The following RTN1 variants were observed in gnomAD, a reference collection of about 807,000 sequenced individuals.
The protein encoded by RTN1 is reticulon-1.
RTN1 carries 25 observed loss-of-function variants against 65.5 expected under a neutral mutation model. The observed-to-expected ratio is 0.38, with a 90% confidence interval of 0.28 to 0.53. The LOEUF (loss-of-function observed/expected upper bound fraction) is 0.53, where lower values mean the gene tolerates loss of function less well. RTN1 is among the 20% of genes least tolerant of loss of function. RTN1 has a pLI of 0.79. For missense variants in RTN1, 983 were observed against 1,025.4 expected, an observed-to-expected ratio of 0.96 and a Z score of 0.57; for synonymous variants, 471 against 447.6, an observed-to-expected ratio of 1.05 and a Z score of -0.66.
chr14:59,642,344 G>T lies in RTN1; in HGVS notation c.1766-34852C>A, dbSNP rs535575226. The stretch of plus-strand genomic sequence containing the variant: ...GTTTACTGAGCTTCTTAAATCTGTG[G>T]ATTGATGCCTTTTATCAATTTTGAA... On this transcript the variant is annotated intron_variant, in intron 3 of 8. Transcript: ENST00000267484. Among the ~76,000 whole-genome samples, 10 of 152,120 alleles carry T rather than the reference G, an allele frequency of 6.6e-5. No individual in the cohort carries two copies. In the South Asian group the frequency reaches 2.1e-3, roughly 32 times the overall value.
intron 1 of RTN1, among the ~76,000 whole-genome samples, chr14:59,789,107 T>C (rs1161476061): frequency 6.6e-6 from 1 of 152,090 alleles, no homozygotes; most frequent in Non-Finnish European, 1.5e-5. Flanking sequence ...TCATATTTTC[T>C]ATTATTTATT....
At position 59,746,005 on chromosome 14, in the gene RTN1, C is replaced by G. The variant is rs1349232570; in HGVS notation, c.718G>C (p.Asp240His). Residue 240 changes from aspartate to histidine, a missense_variant, in exon 2 of 9, where the codon GAC becomes CAC. This residue lies in a region of RTN1 where 818 missense variants were observed against 801.8 expected (regional missense o/e 1.02). Coordinates refer to ENST00000267484, the MANE Select transcript of RTN1 (RefSeq NM_021136.3). ...SIKPEGVREP[D>H]KPAPVEGKII... ...TTTCCCTCCACAGGAGCTGGTTTGT[C>G]AGGTTCACGGACTCCTTCAGGTTTA... 1 of 1,614,146 alleles carries G rather than the reference C, an allele frequency of 6.2e-7. No homozygotes were observed. Among genetic ancestry groups the G allele is most frequent in the East Asian group, 2.2e-5 (1 of 44,876 alleles).
chr14:59,818,589 A>T (rs1267742619), intron 1 of RTN1, among the ~76,000 whole-genome samples: 9 of 152,194 alleles, frequency 5.9e-5, no homozygotes, highest in African/African-American at 2.2e-4. Context: ...GATTGATTCC[A>T]TGTCTTTGTC....
chr14:59,636,613 A>G (rs1259626234), intron 3 of RTN1, among the ~76,000 whole-genome samples: 3 of 152,196 alleles, frequency 2.0e-5, no homozygotes, highest in African/African-American at 4.8e-5. Context: ...TGCTAAATTT[A>G]CTTATTAATT....
At chr14:59,736,592 G>A (rs1320788605) in intron 2 of RTN1, among the ~76,000 whole-genome samples, 1 of 152,134 alleles carries the variant, frequency 6.6e-6, no homozygotes, top group East Asian at 1.9e-4. Flanking sequence ...AATTCTACCA[G>A]AGGTATAAAG....
At chr14:59,795,056 C>T (rs1886415515) in intron 1 of RTN1, among the ~76,000 whole-genome samples, 1 of 152,108 alleles carries the variant, frequency 6.6e-6, no homozygotes. Context: ...AATATCCACC[C>T]CAATTTAGCA....
intron 2 of RTN1, among the ~76,000 whole-genome samples, chr14:59,729,508 C>A (rs1884855305): frequency 6.6e-6 from 1 of 152,170 alleles, no homozygotes; most frequent in South Asian, 2.1e-4. Flanking sequence ...ATAAGTTGTA[C>A]ACATAGTTGT....
intron 1 of RTN1, among the ~76,000 whole-genome samples, chr14:59,848,359 T>A (rs937488091): frequency 6.6e-6 from 1 of 152,248 alleles, no homozygotes; most frequent in Admixed American, 6.5e-5. Context: ...GAATGCTATA[T>A]CAAGGACATT....
chr14:59,664,177 T>C (rs1883312387), intron 3 of RTN1, among the ~76,000 whole-genome samples: 1 of 152,122 alleles, frequency 6.6e-6, no homozygotes, highest in Non-Finnish European at 1.5e-5. Context: ...GGGACATGGA[T>C]GAAGCTGGAA....
intron 3 of RTN1, among the ~76,000 whole-genome samples, chr14:59,632,711 C>T (rs1037458783): frequency 6.6e-6 from 1 of 152,080 alleles, no homozygotes; most frequent in African/African-American, 2.4e-5. Context: ...ACACAATGTT[C>T]CCAATAAGGA....
At chr14:59,640,058 C>G (rs542317199) in intron 3 of RTN1, among the ~76,000 whole-genome samples, 1 of 152,090 alleles carries the variant, frequency 6.6e-6, no homozygotes, top group Non-Finnish European at 1.5e-5. Flanking sequence ...ACTGGCCTCA[C>G]AAAGCAAGTT....
At chr14:59,841,113 G>T (rs949332484) in intron 1 of RTN1, among the ~76,000 whole-genome samples, 4 of 152,186 alleles carry the variant, frequency 2.6e-5, no homozygotes, top group Admixed American at 2.6e-4. Context: ...ATGAAAGAGT[G>T]AAAAGTGCTG....
intron 1 of RTN1, among the ~76,000 whole-genome samples, chr14:59,813,246 C>T (rs1286937662): frequency 6.6e-6 from 1 of 152,162 alleles, no homozygotes; most frequent in Non-Finnish European, 1.5e-5. Flanking sequence ...TAAAAACTCT[C>T]ATATCTGCAC....
chr14:59,800,694 C>G (rs904636320), intron 1 of RTN1, among the ~76,000 whole-genome samples: 6 of 152,020 alleles, frequency 3.9e-5, no homozygotes, highest in Non-Finnish European at 5.9e-5. Context: ...GCCACCACAC[C>G]GGGCCAAAAA....
chr14:59,602,958 A>G (rs981836737), intron 8 of RTN1, 107 bp downstream of exon 8: 1 of 775,678 alleles, frequency 1.3e-6, no homozygotes, highest in Non-Finnish European at 2.1e-6. Flanking sequence ...GTGAATGACC[A>G]TAAATCAATC....
chr14:59,669,306 G>A (rs1883449649), intron 3 of RTN1, among the ~76,000 whole-genome samples: 1 of 152,088 alleles, frequency 6.6e-6, no homozygotes, highest in African/African-American at 2.4e-5. Flanking sequence ...TTCTTTGCAG[G>A]GACATGGATG....
At chr14:59,655,484 T>C (rs568032661) in intron 3 of RTN1, among the ~76,000 whole-genome samples, 1 of 152,356 alleles carries the variant, frequency 6.6e-6, no homozygotes, top group African/African-American at 2.4e-5. Context: ...CTAAAATTCA[T>C]GTAGAGATGC....
chr14:59,693,028 C>A (rs1457778851), intron 3 of RTN1, among the ~76,000 whole-genome samples: 1 of 152,080 alleles, frequency 6.6e-6, no homozygotes, highest in East Asian at 1.9e-4. Context: ...GGAGGTGGGG[C>A]CTTTGGGATA....
intron 1 of RTN1, among the ~76,000 whole-genome samples, chr14:59,808,754 C>T (rs372392529): frequency 1.3e-5 from 2 of 152,088 alleles, no homozygotes; most frequent in African/African-American, 4.8e-5. Flanking sequence ...TGATGCTGTC[C>T]TCACAATAGT....
Sources: allele counts gnomAD v4.1 joint callset (sites outside exome capture counted in the v4.1 genomes callset), GRCh38; gene constraint gnomAD v4.1.1; regional missense constraint gnomAD v4.1.1; transcripts MANE v1.5; gene names NCBI Gene and HGNC (gene_info 2026-07-23, HGNC 2026-07-21).